GSS: variants seen among roughly 807,000 people sequenced by gnomAD.
The protein encoded by GSS is GSH synthetase.
GSS carries 34 observed loss-of-function variants against 60.4 expected under a neutral mutation model. The observed-to-expected ratio is 0.56, with a 90% confidence interval of 0.43 to 0.75. GSS has a LOEUF of 0.75. GSS is among the 30% of genes least tolerant of loss of function. The probability of loss-of-function intolerance (pLI) is 0.00; values close to 1 mark genes in which losing one functional copy is unlikely to be tolerated. For synonymous variants in GSS, 224 were observed against 239.0 expected, an observed-to-expected ratio of 0.94 and a Z score of 0.58; for missense variants, 499 against 595.1, an observed-to-expected ratio of 0.84 and a Z score of 1.68.
At chr20:34,952,082 T>C (rs2081574009) in intron 1 of GSS, 1 of 591,434 alleles carries the variant, frequency 1.7e-6, no homozygotes, top group South Asian at 1.9e-5. Context: ...ACTCTCTCTT[T>C]TGATTCCCAA....
At chr20:34,949,670 C>A (rs867840888) in intron 2 of GSS, 1 of 152,228 alleles carries the variant, frequency 6.6e-6, no homozygotes, top group South Asian at 2.1e-4. Context: ...ATTATTTTAC[C>A]ATTTAAATAA....
intron 6 of GSS, 46 bp from the exon 7 acceptor site, chr20:34,937,069 CTTCTT>C (rs752185947): frequency 6.2e-6 from 9 of 1,441,104 alleles, no homozygotes. Flanking sequence ...AGAACTTGTT[CTTCTT>C]TTGTTTCTCC....
intron 3 of GSS, among the ~76,000 whole-genome samples, chr20:34,945,029 CT>C (rs910680128): frequency 6.7e-6 from 1 of 149,894 alleles, no homozygotes; most frequent in African/African-American, 2.4e-5. Context: ...ATTATTATTT[CT>C]TTTTTTTTGA....
At chr20:34,941,870 T>C (rs1448074088) in intron 5 of GSS, 41 bp from the exon 6 acceptor site, 4 of 1,098,542 alleles carry the variant, frequency 3.6e-6, no homozygotes, top group African/African-American at 1.5e-5. Flanking sequence ...TGGATGGACC[T>C]GGAAGACCCC....
intron 11 of GSS, among the ~76,000 whole-genome samples, chr20:34,930,034 G>A (rs940699346): frequency 2.0e-5 from 3 of 152,076 alleles, no homozygotes; most frequent in Admixed American, 1.3e-4. Flanking sequence ...TTGGGAGGCC[G>A]AGGCAGGCAG....
chr20:34,930,780 A>G (rs2081395028), intron 11 of GSS, among the ~76,000 whole-genome samples: 1 of 152,140 alleles, frequency 6.6e-6, no homozygotes, highest in African/African-American at 2.4e-5. Context: ...ATCAGGATGC[A>G]AACCATTTTT....
At chr20:34,929,700 G>A (rs1243258730) in intron 11 of GSS, 110 bp from the exon 12 acceptor site, 12 of 897,326 alleles carry the variant, frequency 1.3e-5, no homozygotes, top group African/African-American at 6.5e-5. Context: ...CCTGGCACCC[G>A]CTCAGTGAAG....
At position 34,942,682 on chromosome 20, in the gene GSS, C is replaced by A; in HGVS notation, c.352-55G>T. 1 of 1,556,526 alleles carries A rather than the reference C, an allele frequency of 6.4e-7. No homozygotes were observed. Among genetic ancestry groups the A allele is most frequent in the Non-Finnish European group, 8.9e-7 (1 of 1,128,412 alleles). ...CTGCCCAGGGACTGACTCTGAGGAC[C>A]TAGCCACAGAGCACACAGGTACCAT... On this transcript the variant is annotated intron_variant, in intron 4 of 12. Coordinates refer to ENST00000651619, the MANE Select transcript of GSS (RefSeq NM_000178.4).
chr20:34,952,508 C>T (rs2081577291), intron 1 of GSS, among the ~76,000 whole-genome samples: 1 of 151,784 alleles, frequency 6.6e-6, no homozygotes, highest in South Asian at 2.1e-4. Context: ...GATCTTGGCT[C>T]ACTGCAACCT....
In GSS at chr20:34,928,739, T is replaced by C; in HGVS notation, c.*89A>G. On this transcript the variant is annotated 3_prime_UTR_variant, in exon 13 of 13. Transcript: ENST00000651619. ...AGTATTTACCCTTCCATAAAAACTT[T>C]GGAGGTCTTTAGGAGGATACCCCTC... 1 of 1,452,726 alleles carries C rather than the reference T, an allele frequency of 6.9e-7. No individual in the cohort carries two copies. The highest frequency in any genetic ancestry group is 9.6e-7 in the Non-Finnish European group (1 of 1,038,120). The allele number at this position is 1,452,726 out of a possible 1,614,324, so 90.0% of individuals were successfully genotyped here.
In GSS at chr20:34,936,966, G is replaced by C; in HGVS notation, c.666C>G (p.Ala222=). 1 of 1,613,756 alleles carries C rather than the reference G, an allele frequency of 6.2e-7. No homozygotes were observed. Among genetic ancestry groups the C allele is most frequent in the Non-Finnish European group, 8.5e-7 (1 of 1,179,824 alleles). ...ACCTGGCCAGTAGCTCATTCTCTAT[G>C]GCACGCTGGTCAAATATGTTTCTTT... ...EKERNIFDQR[A]IENELLARNI... is the part of the protein sequence containing the mutation. Residue 222 remains alanine, a synonymous_variant, in exon 7 of 13, where the codon GCC becomes GCG. Coordinates refer to ENST00000651619, the MANE Select transcript of GSS (RefSeq NM_000178.4).
intron 3 of GSS, 125 bp from the exon 4 acceptor site, chr20:34,943,131 C>G: frequency 2.7e-6 from 2 of 727,710 alleles, no homozygotes. Flanking sequence ...AATGTCCGCC[C>G]CAATGTGGTA....
At chr20:34,934,492 G>GTC (rs2081425580) in intron 9 of GSS, among the ~76,000 whole-genome samples, 1 of 151,988 alleles carries the variant, frequency 6.6e-6, no homozygotes, top group Admixed American at 6.6e-5. Context: ...GGCCAGGCTG[G>GTC]TCTTGAACTC....
At chr20:34,930,532 C>T (rs1191456218) in intron 11 of GSS, among the ~76,000 whole-genome samples, 3 of 152,240 alleles carry the variant, frequency 2.0e-5, no homozygotes, top group Non-Finnish European at 4.4e-5. Flanking sequence ...CAGGCCTCTA[C>T]GTTGCTCTTC....
In GSS at chr20:34,932,129, C is replaced by T; in HGVS notation, c.839G>A (p.Trp280Ter). 2 of 1,612,870 alleles carry T rather than the reference C, an allele frequency of 1.2e-6. No homozygotes were observed. The highest frequency in any genetic ancestry group is 2.2e-5 in the South Asian group (2 of 91,048). ...YMPRQYSLQN[W>*]EARLLLERSH... The stretch of plus-strand genomic sequence containing the variant: ...CCTCTCCAGCAGTAGACGTGCTTCC[C>T]AATTCTGCAGAGGGAAGAAGACAAA... The change falls in exon 10 of 13, where the codon TGG (tryptophan) becomes TAG (stop). Residue 280 changes from tryptophan (W) to a stop codon, truncating the protein, a stop_gained. Coordinates refer to ENST00000651619, the MANE Select transcript of GSS (RefSeq NM_000178.4). LOFTEE classifies it high-confidence loss of function.
At chr20:34,928,991 C>G in intron 12 of GSS, 40 bp from the exon 13 acceptor site, 1 of 1,612,134 alleles carries the variant, frequency 6.2e-7, no homozygotes, top group South Asian at 1.1e-5. Context: ...CACCTGGACT[C>G]AGCCCCAAAC....
At chr20:34,944,208 G>A (rs543096686) in intron 3 of GSS, among the ~76,000 whole-genome samples, 1 of 152,190 alleles carries the variant, frequency 6.6e-6, no homozygotes, top group South Asian at 2.1e-4. Context: ...TTCATGTTTT[G>A]TAGGGGGCTC....
At chr20:34,941,099 G>A (rs2081478705) in intron 6 of GSS, among the ~76,000 whole-genome samples, 1 of 152,214 alleles carries the variant, frequency 6.6e-6, no homozygotes, top group Non-Finnish European at 1.5e-5. Flanking sequence ...GCTCATGCCT[G>A]TAATCCCAGC....
intron 3 of GSS, among the ~76,000 whole-genome samples, chr20:34,945,651 G>A (rs555134705): frequency 6.8e-6 from 1 of 146,462 alleles, no homozygotes; most frequent in South Asian, 2.2e-4. Flanking sequence ...TCAAAGTAGG[G>A]TGTCACGGAT....
Sources: gnomAD v4.1 joint callset for allele counts (sites outside exome capture counted in the v4.1 genomes callset) on GRCh38, gnomAD v4.1.1 for gene constraint, MANE v1.5 for transcripts, NCBI Gene and HGNC (gene_info 2026-07-23, HGNC 2026-07-21) for gene names.